The following GRIP2 variants were observed in gnomAD, a reference collection of about 807,000 sequenced individuals.
GRIP2 encodes glutamate receptor interacting protein 2.
A neutral mutation model predicts 108.3 loss-of-function variants in GRIP2; 58 were observed. The observed-to-expected ratio is 0.54, with a 90% CI of 0.43 to 0.67. The LOEUF (loss-of-function observed/expected upper bound fraction) is 0.67. Ranked by LOEUF, GRIP2 falls within the 30% of genes least tolerant of loss-of-function variation. The pLI, the probability that GRIP2 is intolerant of heterozygous loss-of-function variation, is 0.00. For synonymous variants in GRIP2, 586 were observed against 598.2 expected (o/e 0.98, Z 0.30); for missense variants, 1,278 against 1,430.6 (o/e 0.89, Z 1.72).
At chr3:14,573,570 T>C in the GRIP2 span, 30 of 1,436,940 alleles carry the variant, frequency 2.1e-5, no homozygotes, top group Non-Finnish European at 2.9e-5. Context: ...CCTCATGAAG[T>C]CACAGTACTC....
rs530873013 is a variant in GRIP2, at chr3:14,507,225, C to T, written c.2219-245G>A. On this transcript the variant is annotated intron_variant, in intron 18 of 23. Coordinates refer to ENST00000621039, the MANE Select transcript of GRIP2 (RefSeq NM_001080423.4). The surrounding 1 kb of genome is among the most constrained non-coding windows in gnomAD (Gnocchi z 4.6). ...AGCCAGGATTAGCTCAGGCCCCTTC[C>T]ACTGCCTATGGTGGCCTTTCTACCA... is the stretch of plus-strand genomic sequence containing the variant. Among the ~76,000 whole-genome samples, 11 of 152,214 alleles carry T rather than the reference C, an allele frequency of 7.2e-5. No individual in the cohort carries two copies. The highest frequency in any genetic ancestry group is 1.0e-4 in the Non-Finnish European group (7 of 68,038).
intron 7 of GRIP2, 39 bp from the exon 8 acceptor site, chr3:14,520,576 C>G (rs149570410): frequency 6.2e-7 from 1 of 1,609,840 alleles, no homozygotes; most frequent in Non-Finnish European, 8.5e-7. Flanking sequence ...ATGCAAATAC[C>G]GAGCACTTTC....
chr3:14,520,036 G>A lies in GRIP2; in HGVS notation c.1030+74C>T, dbSNP rs527430767. 68 of 1,404,872 alleles carry A rather than the reference G, an allele frequency of 4.8e-5. 1 individual carries two copies. The South Asian group carries it at 9.2e-4, about 19-fold the overall frequency. The allele number at this position is 1,404,872 out of a possible 1,614,324, so 87.0% of individuals were successfully genotyped here. Reference sequence around the variant, plus strand: ...TAGCCTGCTCCTCCCAGCCTGCCCAGGGCTCTGGTCCCAGGCCTCTCAGGC... The same window carrying A: ...TAGCCTGCTCCTCCCAGCCTGCCCAAGGCTCTGGTCCCAGGCCTCTCAGGC... On this transcript the variant is annotated intron_variant, in intron 9 of 23. Coordinates refer to ENST00000621039, the MANE Select transcript of GRIP2 (RefSeq NM_001080423.4).
At position 14,505,526 on chromosome 3, in the gene GRIP2, T is replaced by C; in HGVS notation, c.2573+89A>G. On this transcript the variant is annotated intron_variant, in intron 20 of 23. Transcript: ENST00000621039. The surrounding 1 kb of genome is among the most constrained non-coding windows in gnomAD (Gnocchi z 4.2). ...CTCAGGAGCCCGCCAAGACTCTCCA[T>C]TCCCCCACCACTTTGGCACAGGCAC... 2.1e-6 allele frequency: 3 copies of C among 1,422,032 alleles called. No individual in the cohort carries two copies. Among genetic ancestry groups the C allele is most frequent in the Non-Finnish European group, 2.9e-6 (3 of 1,040,594 alleles). The allele number at this position is 1,422,032 out of a possible 1,614,324, so 88.1% of individuals were successfully genotyped here.
In GRIP2 at chr3:14,540,259, C is replaced by A. The variant is rs553139853; in HGVS notation, c.40+10G>T. On this transcript the variant is annotated intron_variant, in intron 1 of 23. Coordinates refer to ENST00000621039, the MANE Select transcript of GRIP2 (RefSeq NM_001080423.4). This position sits in a 1 kb window ranked among gnomAD's most constrained non-coding sequence, Gnocchi z 4.1. The stretch of plus-strand genomic sequence containing the variant: ...CCCATCACTCTGCCCACAGACCCCC[C>A]ATTACGTACCCGCCTCTCCAGGGGT... The A allele has an allele frequency of 1.2e-6, 2 of 1,613,476 alleles. No individual in the cohort carries two copies. Among genetic ancestry groups the A allele is most frequent in the South Asian group, 1.1e-5 (1 of 91,026 alleles).
chr3:14,541,931 G>C (rs1217207957), upstream of GRIP2: 1 of 1,346,538 alleles, frequency 7.4e-7, no homozygotes. Flanking sequence ...TGAAGACCCT[G>C]GCCTTCACCA....
At position 14,532,335 on chromosome 3, in the gene GRIP2, C is replaced by G. The variant is rs186660941; in HGVS notation, c.41-6404G>C. 4.4e-3 allele frequency among the ~76,000 whole-genome samples: 666 copies of G among 152,068 alleles called. 8 individuals are homozygous for G. The highest frequency in any genetic ancestry group is 0.015 in the African/African-American group (637 of 41,474). On this transcript the variant is annotated intron_variant, in intron 1 of 23. Coordinates refer to ENST00000621039, the MANE Select transcript of GRIP2 (RefSeq NM_001080423.4). Reference sequence around the variant, plus strand: ...CAGCCTGGGTATGAGTGGCCTGAGTCAAGGTCAGGACTCAGTCTGGGCCAG... The same window carrying G: ...CAGCCTGGGTATGAGTGGCCTGAGTGAAGGTCAGGACTCAGTCTGGGCCAG...
chr3:14,550,025 A>C (rs1174681641), intron 1 of GRIP2, among the ~76,000 whole-genome samples: 1 of 152,152 alleles, frequency 6.6e-6, no homozygotes, highest in Non-Finnish European at 1.5e-5. Flanking sequence ...AATATGCCAG[A>C]AAGATCAGCA....
chr3:14,503,654 G>A lies in GRIP2; in HGVS notation c.2591C>T (p.Ala864Val), dbSNP rs1388488555. 2 of 1,606,668 alleles carry A rather than the reference G, an allele frequency of 1.2e-6. No homozygotes were observed. Among genetic ancestry groups the A allele is most frequent in the African/African-American group, 1.3e-5 (1 of 74,554 alleles). ...CATGCGCCAGAAGCCCTCCTCTCGG[G>A]CAGGGCCAGGGGCTGGGCTGTAACG... is the stretch of plus-strand genomic sequence containing the variant. The part of the protein sequence containing the change: ...EPPTSPAPGP[A>V]REEGFWRMFG... Residue 864 changes from alanine to valine, a missense_variant, in exon 21 of 24, where the codon GCC becomes GTC. Physicochemically the swap from Ala to Val is moderately conservative, Grantham distance 64 (BLOSUM62 0). Coordinates refer to ENST00000621039, the MANE Select transcript of GRIP2 (RefSeq NM_001080423.4).
Position 14,505,751 on chromosome 3 carries a change from G to A in GRIP2, c.2437C>T (p.Pro813Ser). 1 of 1,579,044 alleles carries A rather than the reference G, an allele frequency of 6.3e-7. No individual in the cohort carries two copies. The highest frequency in any genetic ancestry group is 8.6e-7 in the Non-Finnish European group (1 of 1,162,320). Residue 813 changes from proline (P) to serine (S), a missense_variant, in exon 20 of 24, where the codon CCC becomes TCC. Transcript: ENST00000621039. The surrounding 1 kb of genome is among the most constrained non-coding windows in gnomAD (Gnocchi z 4.2). ...AGCCAGCCAGGCCTCCGCTCCTGGG[G>A]GGTCGTGCCCCGGGCTGCTGCCTGT... ...TPQAAARGTT[P>S]QERRPGWLRG...
chr3:14,537,214 T>G (rs542045484), intron 1 of GRIP2, among the ~76,000 whole-genome samples: 1 of 152,274 alleles, frequency 6.6e-6, no homozygotes, highest in Non-Finnish European at 1.5e-5. Flanking sequence ...GGCTGTTCCC[T>G]CTGCCCACAA....
intron 1 of GRIP2, among the ~76,000 whole-genome samples, chr3:14,535,683 G>T (rs1463787095): frequency 6.6e-6 from 1 of 152,244 alleles, no homozygotes; most frequent in Non-Finnish European, 1.5e-5. Context: ...ATGAGGCACA[G>T]AGAGGTCAAG....
At chr3:14,504,678 G>T (rs1002859674) in intron 20 of GRIP2, among the ~76,000 whole-genome samples, 2 of 152,164 alleles carry the variant, frequency 1.3e-5, no homozygotes, top group Admixed American at 6.5e-5. Context: ...AGGATGTGTT[G>T]CCTCCTTCCC....
chr3:14,574,581 T>C, the GRIP2 span: 1 of 724,960 alleles, frequency 1.4e-6, no homozygotes, highest in Admixed American at 1.8e-5. Flanking sequence ...AAAAACTTCG[T>C]CCGGGTATGT....
At chr3:14,591,481 A>G in the GRIP2 span, among the ~76,000 whole-genome samples, 1 of 152,174 alleles carries the variant, frequency 6.6e-6, no homozygotes, top group Non-Finnish European at 1.5e-5. Context: ...GATGGAAATA[A>G]TCAGACCTAC....
chr3:14,511,422 A>G lies in GRIP2; in HGVS notation c.1778T>C (p.Val593Ala). Residue 593 changes from valine to alanine, a missense_variant, in exon 15 of 24, where the codon GTG becomes GCG. Val to Ala is a moderately conservative substitution (Grantham distance 64). Coordinates refer to ENST00000621039, the MANE Select transcript of GRIP2 (RefSeq NM_001080423.4). This position sits in a 1 kb window ranked among gnomAD's most constrained non-coding sequence, Gnocchi z 4.1. ...LIISDIKKGS[V>A]AHRTGTLEPG... ...GCCCCAGTGCCCCTACCTGTGTGCC[A>G]CGCTGCCTTTCTTGATGTCGGAGAT... 6.2e-7 allele frequency: 1 copy of G among 1,613,910 alleles called. No individual in the cohort carries two copies. Among genetic ancestry groups the G allele is most frequent in the South Asian group, 1.1e-5 (1 of 91,076 alleles).
the GRIP2 span, among the ~76,000 whole-genome samples, chr3:14,564,756 C>T: frequency 5.9e-5 from 9 of 152,182 alleles, no homozygotes; most frequent in African/African-American, 1.9e-4. Flanking sequence ...TGTTCCCAGC[C>T]CTGGATGCAC....
Position 14,521,953 on chromosome 3 carries a change from T to G in GRIP2, c.567-166A>C. The G allele has an allele frequency of 8.6e-6, 5 of 578,924 alleles. No homozygotes were observed. Among genetic ancestry groups the G allele is most frequent in the South Asian group, 2.6e-5 (1 of 38,282 alleles). The allele number at this position is 578,924 out of a possible 1,614,324, so 35.9% of individuals were successfully genotyped here. ...AGGGGCGCATGAGTGAGTGAAGGAA[T>G]GAGCCACTCCAGGAGTGGGGAGCTG... On this transcript the variant is annotated intron_variant, in intron 6 of 23. Coordinates refer to ENST00000621039, the MANE Select transcript of GRIP2 (RefSeq NM_001080423.4). The surrounding 1 kb of genome is among the most constrained non-coding windows in gnomAD (Gnocchi z 5.1).
At chr3:14,510,874 C>T (rs980358535) in intron 16 of GRIP2, among the ~76,000 whole-genome samples, 4 of 152,238 alleles carry the variant, frequency 2.6e-5, no homozygotes, top group African/African-American at 9.6e-5. Flanking sequence ...CCACCAGCTG[C>T]ACCAGCTGCA....
Sources: allele counts gnomAD v4.1 joint callset (sites outside exome capture counted in the v4.1 genomes callset), GRCh38; gene constraint gnomAD v4.1.1; non-coding constraint Gnocchi (gnomAD v3.1); transcripts MANE v1.5; gene names NCBI Gene and HGNC (gene_info 2026-07-23, HGNC 2026-07-21).